ITPR2: variants seen among roughly 807,000 people sequenced by gnomAD.
ITPR2 encodes inositol 1,4,5-trisphosphate-gated calcium channel ITPR2.
ITPR2 carries 207 observed loss-of-function variants against 317.1 expected under a neutral mutation model. That is an observed-to-expected ratio of 0.65 (90% CI 0.58 to 0.73). The LOEUF is 0.73. Among genes scored for constraint, ITPR2 ranks in the 30% least tolerant of loss-of-function variants. ITPR2 has a pLI of 0.00. For synonymous variants in ITPR2, 1,156 were observed against 1,149.1 expected (o/e 1.01, Z -0.12); for missense variants, 2,613 against 3,284.0 (o/e 0.80, Z 4.99).
At chr12:26,823,997 C>T (rs1387108524) in intron 1 of ITPR2, among the ~76,000 whole-genome samples, 3 of 152,156 alleles carry the variant, frequency 2.0e-5, no homozygotes, top group Non-Finnish European at 4.4e-5. Context: ...TAAAAGACTA[C>T]CAATACTCTT....
intron 37 of ITPR2, among the ~76,000 whole-genome samples, chr12:26,508,223 T>C (rs748381710): frequency 9.9e-5 from 15 of 152,228 alleles, no homozygotes; most frequent in Non-Finnish European, 1.8e-4. Context: ...AATTATGGTA[T>C]GCCTTATTTA....
chr12:26,793,786 G>C (rs1356958658), intron 1 of ITPR2, among the ~76,000 whole-genome samples: 1 of 152,110 alleles, frequency 6.6e-6, no homozygotes, highest in Non-Finnish European at 1.5e-5. Flanking sequence ...CAACTAATAG[G>C]AGACGAAAGA....
At chr12:26,649,782 TA>T (rs2136885389) in intron 21 of ITPR2, among the ~76,000 whole-genome samples, 1 of 86,278 alleles carries the variant, frequency 1.2e-5, no homozygotes, top group African/African-American at 4.5e-5. Context: ...ACTAGATAGA[TA>T]GATAGATAGA....
At chr12:26,659,386 G>T (rs1947446474) in intron 15 of ITPR2, 101 bp from the exon 16 acceptor site, 4 of 1,026,880 alleles carry the variant, frequency 3.9e-6, no homozygotes, top group African/African-American at 1.7e-5. Flanking sequence ...ACAACAGAAG[G>T]TTCACTAAAA....
intron 56 of ITPR2, 74 bp downstream of exon 56, chr12:26,340,093 A>G: frequency 2.8e-6 from 4 of 1,403,694 alleles, no homozygotes; most frequent in Non-Finnish European, 3.8e-6. Flanking sequence ...GGCTCCCTGG[A>G]CCCTCTGTCT....
At chr12:26,707,965 G>A (rs947799065) in intron 9 of ITPR2, among the ~76,000 whole-genome samples, 2 of 151,740 alleles carry the variant, frequency 1.3e-5, no homozygotes, top group Admixed American at 1.3e-4. Context: ...CTCAAAAGAA[G>A]ACATACAAAT....
chr12:26,688,421 T>A (rs1446898620), intron 10 of ITPR2, among the ~76,000 whole-genome samples: 2 of 151,212 alleles, frequency 1.3e-5, no homozygotes, highest in Non-Finnish European at 2.9e-5. Context: ...CAACAAAAAA[T>A]TTAAGAGAGA....
intron 1 of ITPR2, among the ~76,000 whole-genome samples, chr12:26,804,657 C>T (rs907798363): frequency 6.6e-6 from 1 of 152,050 alleles, no homozygotes; most frequent in Non-Finnish European, 1.5e-5. Flanking sequence ...AATAGTAGTA[C>T]TCTTAAAGTA....
At chr12:26,426,342 T>G (rs1445959705) in intron 49 of ITPR2, among the ~76,000 whole-genome samples, 3 of 152,184 alleles carry the variant, frequency 2.0e-5, no homozygotes, top group African/African-American at 4.8e-5. Flanking sequence ...GACAAATTCA[T>G]GAAGATTTTC....
chr12:26,441,124 A>G (rs543919467), intron 46 of ITPR2, among the ~76,000 whole-genome samples: 2 of 152,308 alleles, frequency 1.3e-5, no homozygotes, highest in African/African-American at 4.8e-5. Flanking sequence ...TGTAAACATT[A>G]AAATGGGCTA....
chr12:26,522,868 G>A (rs1041656905), intron 37 of ITPR2, among the ~76,000 whole-genome samples: 2 of 152,202 alleles, frequency 1.3e-5, no homozygotes, highest in East Asian at 3.9e-4. Context: ...AACAACACCG[G>A]TTTTGCTACA....
In ITPR2 at chr12:26,724,661, T is replaced by C. The variant is rs1376431732; in HGVS notation, c.361A>G (p.Ile121Val). The C allele has an allele frequency of 1.0e-5, 16 of 1,556,542 alleles. No homozygotes were observed. The highest frequency in any genetic ancestry group is 1.3e-5 in the Non-Finnish European group (15 of 1,130,942). ...LGEIVKYSNV[I>V]QLLHIKSNKY... ...GTTTAAGAGAAAATACTTACTTGTA[T>C]AACATTACTGTATTTTACAATTTCT... Residue 121 changes from isoleucine (I) to valine (V), a missense_variant, in exon 4 of 57, where the codon ATA becomes GTA. Ile to Val is a conservative substitution (Grantham distance 29). Coordinates refer to ENST00000381340, the MANE Select transcript of ITPR2 (RefSeq NM_002223.4).
At position 26,512,184 on chromosome 12, in the gene ITPR2, T is replaced by TAAA. The variant is rs55699727; in HGVS notation, c.5074-16927_5074-16925dup. On this transcript the variant is annotated intron_variant, in intron 37 of 56. Transcript: ENST00000381340. Reference sequence around the variant, plus strand: ...TTCCTAAATAAGATAGCTACAAAGATAAAAAAAAAAAAAAAAAAAGCTGCA... The same window carrying TAAA: ...TTCCTAAATAAGATAGCTACAAAGATAAAAAAAAAAAAAAAAAAAAAAGCTGCA... Among the ~76,000 whole-genome samples, 10 of 136,260 alleles carry TAAA rather than the reference T, an allele frequency of 7.3e-5. No individual in the cohort carries two copies. The East Asian group carries it at 1.3e-3, about 18-fold the overall frequency. The allele number at this position is 136,260 out of a possible 152,430, so 89.4% of individuals were successfully genotyped here. A position where few individuals can be genotyped will look rare whatever the true frequency, so the allele number is the denominator to read the frequency against.
chr12:26,741,665 A>C (rs1363493789), intron 2 of ITPR2, among the ~76,000 whole-genome samples: 8 of 152,126 alleles, frequency 5.3e-5, no homozygotes, highest in African/African-American at 1.4e-4. Context: ...GTGTAAGAAA[A>C]CCTGCATGTG....
chr12:26,581,105 C>T (rs951791989), intron 32 of ITPR2, among the ~76,000 whole-genome samples: 4 of 152,092 alleles, frequency 2.6e-5, no homozygotes, highest in South Asian at 2.1e-4. Flanking sequence ...GTTCTTAGAC[C>T]ATCCAAATTT....
chr12:26,380,740 T>C (rs1014038227), intron 55 of ITPR2, among the ~76,000 whole-genome samples: 7 of 152,174 alleles, frequency 4.6e-5, no homozygotes, highest in Admixed American at 2.0e-4. Flanking sequence ...GAGGGGTGCA[T>C]AGAAATCTTA....
intron 37 of ITPR2, among the ~76,000 whole-genome samples, chr12:26,521,917 T>C (rs959404478): frequency 3.9e-5 from 6 of 152,192 alleles, no homozygotes; most frequent in African/African-American, 1.4e-4. Context: ...TTAACAAAGT[T>C]ACTCCAGCTA....
chr12:26,530,489 G>A (rs1565583852), intron 37 of ITPR2, among the ~76,000 whole-genome samples: 1 of 152,164 alleles, frequency 6.6e-6, no homozygotes, highest in Admixed American at 6.5e-5. Context: ...TTTCTTGATG[G>A]TCAGAAGTAA....
intron 24 of ITPR2, 58 bp downstream of exon 24, chr12:26,624,241 G>C: frequency 1.8e-6 from 2 of 1,126,740 alleles, no homozygotes; most frequent in Non-Finnish European, 2.7e-6. Context: ...AGTATCAATA[G>C]AATTCTAAGT....
Sources: allele counts gnomAD v4.1 joint callset (sites outside exome capture counted in the v4.1 genomes callset), GRCh38; gene constraint gnomAD v4.1.1; transcripts MANE v1.5; gene names NCBI Gene and HGNC (gene_info 2026-07-23, HGNC 2026-07-21).